The following TSPEAR variants were observed in gnomAD, a reference collection of about 807,000 sequenced individuals.
The protein encoded by TSPEAR is thrombospondin type laminin G domain and EAR repeats.
Under a neutral mutation model 71.6 loss-of-function variants are expected in TSPEAR, and 69 were observed. The observed-to-expected ratio is 0.96, with a 90% CI of 0.79 to 1.18. The LOEUF is 1.18. Among genes scored for constraint, TSPEAR ranks in the 50% most tolerant of loss-of-function variants. The pLI is 0.00. For synonymous variants in TSPEAR, 402 were observed against 387.2 expected, an observed-to-expected ratio of 1.04 and a Z score of -0.45; for missense variants, 971 against 894.9, an observed-to-expected ratio of 1.09 and a Z score of -1.09.
intron 1 of TSPEAR, among the ~76,000 whole-genome samples, chr21:44,705,584 A>G (rs1358817854): frequency 5.3e-5 from 8 of 152,188 alleles, no homozygotes; most frequent in Admixed American, 5.2e-4. Flanking sequence ...CCCGGGGCGT[A>G]CCTGTCTCTT....
At chr21:44,644,751 T>TAA (rs1555939137) in intron 1 of TSPEAR, among the ~76,000 whole-genome samples, 1 of 151,954 alleles carries the variant, frequency 6.6e-6, no homozygotes, top group African/African-American at 2.4e-5. Context: ...TAAAAAGTCA[T>TAA]AAAAAGAGAG....
Position 44,574,887 on chromosome 21 carries a change from G to A in TSPEAR, c.83-6882C>T, listed in dbSNP as rs199570164. On this transcript the variant is annotated intron_variant, in intron 1 of 11. Transcript: ENST00000323084. ...GTGCAGGCCCGCCTGCTGCGTGCCC[G>A]TCCCTTCCTGCTGTGCTCCCACCTC... The A allele has an allele frequency of 4.2e-4, 669 of 1,611,630 alleles. 6 individuals are homozygous for A. In the South Asian group the frequency reaches 6.8e-3, roughly 16 times the overall value.
Position 44,648,018 on chromosome 21 carries a change from G to A in TSPEAR, c.82+63415C>T, listed in dbSNP as rs782029401. Among the ~76,000 whole-genome samples, 8 of 152,228 alleles carry A rather than the reference G, an allele frequency of 5.3e-5. No homozygotes were observed. The East Asian group carries it at 5.8e-4, about 11-fold the overall frequency. On this transcript the variant is annotated intron_variant, in intron 1 of 11. Transcript: ENST00000323084. The stretch of plus-strand genomic sequence containing the variant: ...TTGGGACCTGAGAGCCCCAGGCACC[G>A]TGCTGGCCTCGTGGTGTGTGGGCCG...
chr21:44,647,210 T>A, intron 1 of TSPEAR: 1 of 1,613,398 alleles, frequency 6.2e-7, no homozygotes, highest in Non-Finnish European at 8.5e-7. Context: ...ACCTGCTGTG[T>A]GCCCGTCTCC....
chr21:44,601,785 C>G, intron 1 of TSPEAR: 1 of 1,570,226 alleles, frequency 6.4e-7, no homozygotes, highest in Non-Finnish European at 8.7e-7. Context: ...CCACCTGCAC[C>G]CCTGGATTCT....
chr21:44,605,632 C>A (rs868941461), intron 1 of TSPEAR, among the ~76,000 whole-genome samples: 2 of 152,102 alleles, frequency 1.3e-5, no homozygotes, highest in Non-Finnish European at 2.9e-5. Flanking sequence ...GGATAGAAAT[C>A]CCAGAAACAA....
Position 44,499,496 on chromosome 21 carries a change from G to T in TSPEAR, c.*287C>A. The T allele has an allele frequency of 2.4e-6, 1 of 408,264 alleles. No homozygotes were observed. Among genetic ancestry groups the T allele is most frequent in the Non-Finnish European group, 4.4e-6 (1 of 227,904 alleles). The allele number at this position is 408,264 out of a possible 1,614,324, so 25.3% of individuals were successfully genotyped here. A position where few individuals can be genotyped will look rare whatever the true frequency, so the allele number is the denominator to read the frequency against. ...TAAAAATGTATAGAAACGGTTCCTTGACAGCGAAATCCCCGCTTGACACTC... is the reference window on the plus strand; with the variant it reads ...TAAAAATGTATAGAAACGGTTCCTTTACAGCGAAATCCCCGCTTGACACTC... On this transcript the variant is annotated 3_prime_UTR_variant, in exon 12 of 12. Coordinates refer to ENST00000323084, the MANE Select transcript of TSPEAR (RefSeq NM_144991.3).
At chr21:44,696,573 G>A (rs1455908462) in intron 1 of TSPEAR, among the ~76,000 whole-genome samples, 1 of 151,992 alleles carries the variant, frequency 6.6e-6, no homozygotes, top group Admixed American at 6.5e-5. Context: ...ACTGTTTGCC[G>A]AAAAAAATAA....
intron 1 of TSPEAR, among the ~76,000 whole-genome samples, chr21:44,696,178 T>C (rs1987322945): frequency 6.6e-6 from 1 of 152,198 alleles, no homozygotes; most frequent in South Asian, 2.1e-4. Context: ...AAGGAGCTCC[T>C]TTTTTATAGC....
At position 44,538,096 on chromosome 21, in the gene TSPEAR, G is replaced by A. The variant is rs1221435253; in HGVS notation, c.304-4173C>T. Among the ~76,000 whole-genome samples, 3 of 152,162 alleles carry A rather than the reference G, an allele frequency of 2.0e-5. No homozygotes were observed. The East Asian group carries it at 5.8e-4, about 29-fold the overall frequency. On this transcript the variant is annotated intron_variant, in intron 2 of 11. Coordinates refer to ENST00000323084, the MANE Select transcript of TSPEAR (RefSeq NM_144991.3). ...GGCAGCACCATGTCCATCAGGCTGC[G>A]GCCGGCCTGGCTGTGGGGTGACTGC... is the stretch of plus-strand genomic sequence containing the variant.
At chr21:44,645,877 C>T (rs1433634635) in intron 1 of TSPEAR, among the ~76,000 whole-genome samples, 3 of 151,832 alleles carry the variant, frequency 2.0e-5, no homozygotes, top group African/African-American at 7.3e-5. Context: ...CGGTGGCTCA[C>T]GCCTGTAATC....
intron 2 of TSPEAR, among the ~76,000 whole-genome samples, chr21:44,559,333 G>A (rs1221184914): frequency 2.0e-5 from 3 of 152,242 alleles, no homozygotes; most frequent in South Asian, 2.1e-4. Context: ...CCTGGGGCAG[G>A]TGTGAGGGAA....
chr21:44,511,479 TAC>T (rs782723287), intron 9 of TSPEAR, among the ~76,000 whole-genome samples: 7 of 152,242 alleles, frequency 4.6e-5, no homozygotes, highest in Non-Finnish European at 7.3e-5. Context: ...CATGTATACC[TAC>T]ACACACGTAT....
intron 1 of TSPEAR, among the ~76,000 whole-genome samples, chr21:44,587,742 T>G (rs1460106440): frequency 6.6e-6 from 1 of 152,168 alleles, no homozygotes; most frequent in Non-Finnish European, 1.5e-5. Context: ...CCGACTGATC[T>G]TTGACAAAGC....
rs781877033 is a variant in TSPEAR at position 44,499,926 on chromosome 21, A to G, written c.1867T>C (p.Tyr623His). 7 of 1,606,060 alleles carry G rather than the reference A, an allele frequency of 4.4e-6. No homozygotes were observed. In the African/African-American group the frequency reaches 6.7e-5, roughly 15 times the overall value. Residue 623 changes from tyrosine to histidine, a missense_variant, in exon 12 of 12, where the codon TAC becomes CAC. Transcript: ENST00000323084. Reference protein sequence around the residue: ...VNSIIYRWQGYEGFVAVHSLP... With the variant: ...VNSIIYRWQGHEGFVAVHSLP... ...CTGTGCACCGCCACGAAGCCCTCGT[A>G]GCCCTGCCACCTGCGGAACAGACAG...
At chr21:44,620,381 C>T (rs901511552) in intron 1 of TSPEAR, among the ~76,000 whole-genome samples, 10 of 152,200 alleles carry the variant, frequency 6.6e-5, no homozygotes, top group African/African-American at 2.2e-4. Flanking sequence ...GAAAGGTCAA[C>T]AGCAAAGGTA....
intron 1 of TSPEAR, among the ~76,000 whole-genome samples, chr21:44,704,240 G>GA (rs35980626): frequency 8.9e-3 from 1 of 112 alleles, no homozygotes; most frequent in Non-Finnish European, 0.018. Flanking sequence ...CTGCTTCCCT[G>GA]GGTACCCCAC....
Position 44,647,508 on chromosome 21 carries a change from C to T in TSPEAR, c.82+63925G>A, listed in dbSNP as rs1984512658. 6.5e-6 allele frequency: 6 copies of T among 923,442 alleles called. No homozygotes were observed. The Admixed American group carries it at 1.1e-4, about 18-fold the overall frequency. The allele number at this position is 923,442 out of a possible 1,614,324, so 57.2% of individuals were successfully genotyped here. ...GATTTTGAGCGCGTCACACTTTCCT[C>T]CCCACTGTCTGGGAAGAGACAACCC... On this transcript the variant is annotated intron_variant, in intron 1 of 11. Coordinates refer to ENST00000323084, the MANE Select transcript of TSPEAR (RefSeq NM_144991.3).
At chr21:44,702,547 T>G (rs1423504532) in intron 1 of TSPEAR, 2 of 1,609,992 alleles carry the variant, frequency 1.2e-6, no homozygotes, top group African/African-American at 2.7e-5. Context: ...TTCCTCCCTG[T>G]GCTGCCAGCA....
Sources: allele counts gnomAD v4.1 joint callset (sites outside exome capture counted in the v4.1 genomes callset), GRCh38; gene constraint gnomAD v4.1.1; transcripts MANE v1.5; gene names NCBI Gene and HGNC (gene_info 2026-07-23, HGNC 2026-07-21).